The following PRX variants were observed in gnomAD, a reference collection of about 807,000 sequenced individuals.
PRX encodes the protein periaxin.
PRX carries 24 observed loss-of-function variants against 29.6 expected under a neutral mutation model. The ratio of observed to expected loss-of-function variants is 0.81; its 90% CI spans 0.59 to 1.14. PRX has a LOEUF of 1.14. Among genes scored for constraint, PRX ranks in the 50% most tolerant of loss-of-function variants. The pLI, the probability that PRX is intolerant of heterozygous loss-of-function variation, is 0.00. For synonymous variants in PRX, 772 were observed against 831.7 expected (o/e 0.93, Z 1.24); for missense variants, 1,838 against 1,926.4 (o/e 0.95, Z 0.86).
intron 4 of PRX, among the ~76,000 whole-genome samples, chr19:40,405,339 A>C (rs577588391): frequency 6.6e-6 from 1 of 152,196 alleles, no homozygotes; most frequent in South Asian, 2.1e-4. Context: ...CCCTGCTGCA[A>C]AATAGGGTAA....
intron 5 of PRX, among the ~76,000 whole-genome samples, chr19:40,401,492 GTCAAT>G (rs1458141799): frequency 6.6e-6 from 1 of 152,148 alleles, no homozygotes; most frequent in Non-Finnish European, 1.5e-5. Flanking sequence ...GTTCAGCACA[GTCAAT>G]TCACGTTTCT....
In PRX at chr19:40,393,885, G is replaced by A; in HGVS notation, c.*81C>T. The A allele has an allele frequency of 1.3e-6, 2 of 1,595,132 alleles. No homozygotes were observed. The highest frequency in any genetic ancestry group is 4.5e-5 in the East Asian group (2 of 44,848). On this transcript the variant is annotated 3_prime_UTR_variant, in exon 7 of 7. Coordinates refer to ENST00000324001, the MANE Select transcript of PRX (RefSeq NM_181882.3). ...TCACCCACCTCCCGGCCCTCTTAGG[G>A]TTAGTGCTAGTTATCACACACACAA...
At chr19:40,411,431 T>G (rs1345279573) in intron 1 of PRX, among the ~76,000 whole-genome samples, 1 of 152,182 alleles carries the variant, frequency 6.6e-6, no homozygotes, top group Non-Finnish European at 1.5e-5. Context: ...CACAGAGTCC[T>G]GAGCTGGGGA....
Position 40,397,101 on chromosome 19 carries a change from C to A in PRX, c.1251G>T (p.Leu417=), listed in dbSNP as rs751470543. The A allele has an allele frequency of 1.9e-5, 30 of 1,613,986 alleles. No homozygotes were observed. In the Middle Eastern group the frequency reaches 6.6e-4, roughly 35 times the overall value. The change falls in exon 7 of 7, where the codon CTG becomes CTT. Residue 417 remains leucine, a synonymous_variant. Coordinates refer to ENST00000324001, the MANE Select transcript of PRX (RefSeq NM_181882.3). ...APEVVESKLK[L]PTIKMPSLGI... is the part of the protein sequence containing the mutation. ...CAAGGGAGGGCATCTTGATGGTGGG[C>A]AGCTTCAGCTTGCTCTCTACAACTT...
intron 4 of PRX, 51 bp from the exon 5 acceptor site, chr19:40,403,913 C>T (rs773903274): frequency 9.5e-6 from 15 of 1,581,324 alleles, no homozygotes; most frequent in East Asian, 2.3e-5. Flanking sequence ...CGGACCTCGC[C>T]CAGAGCCCGC....
At chr19:40,393,764 TG>T, downstream of PRX, 1 of 755,966 alleles carries the variant, frequency 1.3e-6, no homozygotes, top group Non-Finnish European at 2.1e-6. Context: ...GACAAATACA[TG>T]GCTACTTCCA....
intron 5 of PRX, among the ~76,000 whole-genome samples, chr19:40,400,614 A>AAAAAAAAAAAAAAAC (rs2079488009): frequency 6.8e-6 from 1 of 147,380 alleles, no homozygotes; most frequent in African/African-American, 2.6e-5. Flanking sequence ...AAAAAAAAAA[A>AAAAAAAAAAAAAAAC]AAAAGACAAG....
At position 40,400,385 on chromosome 19, in the gene PRX, G is replaced by A. The variant is rs190334302; in HGVS notation, c.185-1569C>T. Among the ~76,000 whole-genome samples the A allele has an allele frequency of 4.3e-3, 625 of 143,918 alleles. 8 individuals are homozygous for A. Among genetic ancestry groups the A allele is most frequent in the Middle Eastern group, 0.042 (12 of 284 alleles). The allele number at this position is 143,918 out of a possible 152,430, so 94.4% of individuals were successfully genotyped here. A position where few individuals can be genotyped will look rare whatever the true frequency, so the allele number is the denominator to read the frequency against. On this transcript the variant is annotated intron_variant, in intron 5 of 6. Transcript: ENST00000324001. ...AGGCAGGTGGATCACCTGAGGTCGG[G>A]AGTTCGAGACCAGCCTGACCAATAT...
Position 40,398,756 on chromosome 19 carries a change from C to A in PRX, c.245G>T (p.Arg82Leu). Residue 82 changes from arginine to leucine, a missense_variant, in exon 6 of 7, where the codon CGC becomes CTC. Coordinates refer to ENST00000324001, the MANE Select transcript of PRX (RefSeq NM_181882.3). This position sits in a 1 kb window ranked among gnomAD's most constrained non-coding sequence, Gnocchi z 6.3. ...GTAAGGCTCGGCGCATTGCAGCAGG[C>A]GTAGTGCGTCCTCGTACTTGAAGTT... is the stretch of plus-strand genomic sequence containing the variant. ...FENFKYEDAL[R>L]LLQCAEPYKV... 6.2e-7 allele frequency: 1 copy of A among 1,614,106 alleles called. No homozygotes were observed. The highest frequency in any genetic ancestry group is 8.5e-7 in the Non-Finnish European group (1 of 1,179,986).
rs1347071285 is a variant in PRX at position 40,396,259 on chromosome 19, T to G, written c.2093A>C (p.Glu698Ala). 6.2e-7 allele frequency: 1 copy of G among 1,613,406 alleles called. No homozygotes were observed. Among genetic ancestry groups the G allele is most frequent in the African/African-American group, 1.3e-5 (1 of 74,726 alleles). ...GAGGTGCACATCGGGCACGGCCATT[T>G]CAGGCACCTTGGGGAGTTTCATCTC... Reference protein sequence around the residue: ...VSEMKLPKVPEMAVPDVHLPE... With the variant: ...VSEMKLPKVPAMAVPDVHLPE... Residue 698 changes from glutamate to alanine, a missense_variant, in exon 7 of 7, where the codon GAA becomes GCA. Glu to Ala is a moderately radical substitution (Grantham distance 107). This residue lies in a region of PRX where 1,143 missense variants were observed against 1,193.0 expected (regional missense o/e 0.96). Transcript: ENST00000324001.
rs1260088296 is a variant in PRX, at chr19:40,394,741, A to G, written c.3611T>C (p.Leu1204Pro). 6.2e-7 allele frequency: 1 copy of G among 1,613,392 alleles called. No homozygotes were observed. Among genetic ancestry groups the G allele is most frequent in the African/African-American group, 1.3e-5 (1 of 75,014 alleles). ...CTTAAAGACACCCTCACCCACCAGC[A>G]GCTCACCACCTGCAACCTGGGCTCC... Reference protein sequence around the residue: ...LPGAQVAGGELLVGEGVFKMP... With the variant: ...LPGAQVAGGEPLVGEGVFKMP... Residue 1204 changes from leucine to proline, a missense_variant, in exon 7 of 7, where the codon CTG (leucine) becomes CCG (proline). Coordinates refer to ENST00000324001, the MANE Select transcript of PRX (RefSeq NM_181882.3). The surrounding 1 kb of genome is among the most constrained non-coding windows in gnomAD (Gnocchi z 5.8).
At chr19:40,404,333 A>T (rs1309026168) in intron 4 of PRX, among the ~76,000 whole-genome samples, 1 of 146,640 alleles carries the variant, frequency 6.8e-6, no homozygotes, top group Non-Finnish European at 1.5e-5. Context: ...AAGGGGAGGG[A>T]CTGCGTCGGA....
intron 5 of PRX, among the ~76,000 whole-genome samples, chr19:40,403,450 A>T (rs1442983908): frequency 6.6e-6 from 1 of 152,154 alleles, no homozygotes; most frequent in Non-Finnish European, 1.5e-5. Flanking sequence ...AATAAGTCCC[A>T]TTTCAGAGAT....
chr19:40,396,286 G>A lies in PRX; in HGVS notation c.2066C>T (p.Ser689Leu). The stretch of plus-strand genomic sequence containing the variant: ...AGGCACCTTGGGGAGTTTCATCTCT[G>A]AGACTTTTGGCAGCTGCACCTCGGG... ...RLPEVQLPKV[S>L]EMKLPKVPEM... The change falls in exon 7 of 7, where the codon TCA becomes TTA. Residue 689 changes from serine to leucine, a missense_variant. Transcript: ENST00000324001. 6.2e-7 allele frequency: 1 copy of A among 1,613,488 alleles called. No homozygotes were observed. The highest frequency in any genetic ancestry group is 8.5e-7 in the Non-Finnish European group (1 of 1,179,886).
At position 40,394,867 on chromosome 19, in the gene PRX, TC is replaced by T; in HGVS notation, c.3484del (p.Glu1162ArgfsTer29). ...LPQVELTGFG[E>X]AGTPGQQAQS... ...AGCCTGCTGCCCTGGGGTACCTGCC[TC>T]CCCAAAGCCGGTCAGCTCCACCTGT... On this transcript the variant is annotated frameshift_variant, in exon 7 of 7. Coordinates refer to ENST00000324001, the MANE Select transcript of PRX (RefSeq NM_181882.3). LOFTEE classifies it high-confidence loss of function. The surrounding 1 kb of genome is among the most constrained non-coding windows in gnomAD (Gnocchi z 5.8). 6.2e-7 allele frequency: 1 copy of T among 1,611,694 alleles called. No individual in the cohort carries two copies.
chr19:40,413,902 G>A (rs146151890), upstream of PRX, among the ~76,000 whole-genome samples: 1 of 152,160 alleles, frequency 6.6e-6, no homozygotes, highest in Non-Finnish European at 1.5e-5. Flanking sequence ...ACATAATGAG[G>A]GTTACTAATA....
intron 4 of PRX, 144 bp from the exon 5 acceptor site, chr19:40,404,006 G>T: frequency 1.0e-6 from 1 of 981,040 alleles, no homozygotes; most frequent in Non-Finnish European, 1.5e-6. Flanking sequence ...TCGCCACACT[G>T]CCCAGGCTGG....
rs1045280990 is a variant in PRX at position 40,407,824 on chromosome 19, G to A, written c.27+82C>T. ...GATGGAGAGAATGAGGCACAGAGAG[G>A]CCAGAAAGTGTCTCCTTGCTGCCCT... On this transcript the variant is annotated intron_variant, in intron 4 of 6. Transcript: ENST00000324001. 5.0e-6 allele frequency: 8 copies of A among 1,584,570 alleles called. No individual in the cohort carries two copies. In the East Asian group the frequency reaches 6.7e-5, roughly 13 times the overall value.
At chr19:40,407,213 T>TGTGTGTGG (rs1491537155) in intron 4 of PRX, among the ~76,000 whole-genome samples, 1 of 15,898 alleles carries the variant, frequency 6.3e-5, no homozygotes, top group Non-Finnish European at 1.4e-4. Flanking sequence ...TATATGCCCT[T>TGTGTGTGG]GTGTGTGTGT....
Sources: allele counts gnomAD v4.1 joint callset (sites outside exome capture counted in the v4.1 genomes callset), GRCh38; gene constraint gnomAD v4.1.1; regional missense constraint gnomAD v4.1.1; non-coding constraint Gnocchi (gnomAD v3.1); transcripts MANE v1.5; gene names NCBI Gene and HGNC (gene_info 2026-07-23, HGNC 2026-07-21).